Variants in CD99 observed in about 807,000 individuals in gnomAD.
CD99 encodes CD99 molecule (Xg blood group).
In CD99, 19 loss-of-function variants were observed where a neutral mutation model predicts 28.4. The observed-to-expected ratio is 0.67, with a 90% CI of 0.47 to 0.98. CD99 has a LOEUF of 0.98. Among genes scored for constraint, CD99 ranks in the 50% least tolerant of loss-of-function variants. The probability of loss-of-function intolerance (pLI) is 0.00; values close to 1 mark genes in which losing one functional copy is unlikely to be tolerated. For missense variants in CD99, 283 were observed against 248.8 expected, an observed-to-expected ratio of 1.14 and a Z score of -0.92; for synonymous variants, 103 against 92.1, an observed-to-expected ratio of 1.12 and a Z score of -0.67.
At chrX:2,739,656 G>A (rs2050107921) in intron 9 of CD99, among the ~76,000 whole-genome samples, 1 of 151,800 alleles carries the variant, frequency 6.6e-6, no homozygotes, top group Non-Finnish European at 1.5e-5. Flanking sequence ...CTTTCGCCAT[G>A]TTGGCCAGAG....
chrX:2,706,233 A>G (rs1392308139), intron 1 of CD99, among the ~76,000 whole-genome samples: 1 of 151,996 alleles, frequency 6.6e-6, no homozygotes, highest in Non-Finnish European at 1.5e-5. Context: ...GGTGGTGGGC[A>G]CCTGTAGTCC....
intron 8 of CD99, among the ~76,000 whole-genome samples, chrX:2,734,749 CTCT>C (rs1469099019): frequency 7.3e-6 from 1 of 136,532 alleles, no homozygotes; most frequent in Non-Finnish European, 1.6e-5. Context: ...CATTCTTTTC[CTCT>C]TATTTCTTTG....
At chrX:2,692,218 T>A in intron 1 of CD99, 1 of 439,750 alleles carries the variant, frequency 2.3e-6, no homozygotes, top group Non-Finnish European at 4.1e-6. Flanking sequence ...CCCTGCCGGA[T>A]GTGGTATGTT....
chrX:2,712,235 G>A (rs1307285946), intron 1 of CD99, among the ~76,000 whole-genome samples: 2 of 152,026 alleles, frequency 1.3e-5, no homozygotes, highest in Non-Finnish European at 2.9e-5. Context: ...GAGGGGTGGG[G>A]GAAATGGGGA....
intron 1 of CD99, among the ~76,000 whole-genome samples, chrX:2,707,569 AGACT>A (rs2124514838): frequency 6.6e-6 from 1 of 152,320 alleles, no homozygotes; most frequent in African/African-American, 2.4e-5. Context: ...GTGTCTTGTC[AGACT>A]GACTCATGCC....
intron 1 of CD99, among the ~76,000 whole-genome samples, chrX:2,704,419 T>A (rs1166510076): frequency 6.6e-6 from 1 of 152,120 alleles, no homozygotes; most frequent in Admixed American, 6.6e-5. Flanking sequence ...CTGCATATAA[T>A]CTTTTTCTTT....
chrX:2,735,571 T>G (rs999106065), intron 8 of CD99, among the ~76,000 whole-genome samples: 1 of 152,178 alleles, frequency 6.6e-6, no homozygotes, highest in African/African-American at 2.4e-5. Context: ...ATTACAGGAA[T>G]AAAAAGAATA....
chrX:2,707,713 A>G (rs1014680133), intron 1 of CD99, among the ~76,000 whole-genome samples: 8 of 152,148 alleles, frequency 5.3e-5, no homozygotes, highest in African/African-American at 1.9e-4. Flanking sequence ...TCTCTTTGCA[A>G]ATTTGCAGAG....
chrX:2,691,986 G>T (rs1262926194), intron 1 of CD99: 3 of 749,332 alleles, frequency 4.0e-6, no homozygotes, highest in South Asian at 2.8e-5. Context: ...TGCGGGCTCC[G>T]GGAATTTCAG....
In CD99 at chrX:2,714,470, A is replaced by AT; in HGVS notation, c.100+22dup. ...GCCCTTCCTGGTGAGTATCAACATC[A>AT]TTTTTTAAAATCCCGTCAATATTTT... On this transcript the variant is annotated intron_variant, in intron 2 of 9. Transcript: ENST00000381192. The AT allele has an allele frequency of 6.3e-7, 1 of 1,585,494 alleles. No homozygotes were observed. Among genetic ancestry groups the AT allele is most frequent in the Non-Finnish European group, 8.7e-7 (1 of 1,154,724 alleles).
intron 1 of CD99, among the ~76,000 whole-genome samples, chrX:2,713,535 C>G (rs914233910): frequency 9.2e-5 from 14 of 152,200 alleles, no homozygotes; most frequent in Non-Finnish European, 1.8e-4. Context: ...AATATACATG[C>G]ACACTCACAC....
At chrX:2,711,639 G>A (rs1389998213) in intron 1 of CD99, among the ~76,000 whole-genome samples, 1 of 152,144 alleles carries the variant, frequency 6.6e-6, no homozygotes, top group Non-Finnish European at 1.5e-5. Flanking sequence ...CATTTGCACA[G>A]TGAGAATAAG....
intron 1 of CD99, among the ~76,000 whole-genome samples, chrX:2,704,065 C>T (rs1443503883): frequency 1.3e-5 from 2 of 152,134 alleles, no homozygotes. Flanking sequence ...GACCACAGAA[C>T]GAAAATGTCT....
chrX:2,720,716 C>T (rs1487341221), intron 5 of CD99, among the ~76,000 whole-genome samples: 1 of 140,946 alleles, frequency 7.1e-6, no homozygotes, highest in Non-Finnish European at 1.5e-5. Context: ...CCTCCACCTA[C>T]TGGGTTCAAG....
At chrX:2,695,448 G>A (rs2047528017) in intron 1 of CD99, among the ~76,000 whole-genome samples, 1 of 151,902 alleles carries the variant, frequency 6.6e-6, no homozygotes, top group South Asian at 2.1e-4. Context: ...TGGGGTCTCT[G>A]TTGCCCAGAC....
At chrX:2,727,585 T>C (rs1429148070) in intron 8 of CD99, among the ~76,000 whole-genome samples, 1 of 152,174 alleles carries the variant, frequency 6.6e-6, no homozygotes. Flanking sequence ...CAAGTGATTC[T>C]CCTGCCTCAG....
intron 1 of CD99, among the ~76,000 whole-genome samples, chrX:2,696,200 T>C: frequency 6.6e-6 from 1 of 152,296 alleles, no homozygotes; most frequent in South Asian, 2.1e-4. Context: ...AAAGGCTGGT[T>C]ATTGAAGCTT....
intron 2 of CD99, 41 bp from the exon 3 acceptor site, chrX:2,717,564 C>G: frequency 6.6e-7 from 1 of 1,507,250 alleles, no homozygotes; most frequent in Non-Finnish European, 9.2e-7. Context: ...CTTGTTTTCC[C>G]AGCTGCAACT....
intron 2 of CD99, chrX:2,715,670 G>T (rs28377038): frequency 6.6e-6 from 1 of 151,822 alleles, no homozygotes; most frequent in African/African-American, 2.4e-5. Flanking sequence ...CTTTTGCGGG[G>T]ACCACTGCTC....
Sources: allele counts gnomAD v4.1 joint callset (sites outside exome capture counted in the v4.1 genomes callset), GRCh38; gene constraint gnomAD v4.1.1; transcripts MANE v1.5; gene names NCBI Gene and HGNC (gene_info 2026-07-23, HGNC 2026-07-21).